The following PDE4D variants were observed in gnomAD, a reference collection of about 807,000 sequenced individuals.
PDE4D encodes phosphodiesterase 4D, also known as 3',5'-cyclic-AMP phosphodiesterase 4D.
PDE4D carries 24 observed loss-of-function variants against 87.4 expected under a neutral mutation model. The observed-to-expected ratio is 0.27, with a 90% CI of 0.20 to 0.39. The LOEUF (loss-of-function observed/expected upper bound fraction) is 0.39, where lower values mean the gene tolerates loss of function less well. Ranked by LOEUF, PDE4D falls within the 10% of genes least tolerant of loss-of-function variation. The pLI, the probability that PDE4D is intolerant of heterozygous loss-of-function variation, is 1.00. For synonymous variants in PDE4D, 384 were observed against 383.2 expected (o/e 1.00, Z -0.02); for missense variants, 714 against 1,041.0 (o/e 0.69, Z 4.32).
intron 2 of PDE4D, among the ~76,000 whole-genome samples, chr5:60,126,065 A>G (rs1779097511): frequency 6.6e-6 from 1 of 152,082 alleles, no homozygotes. Context: ...CTATGATTTT[A>G]CCTCCATTAG....
chr5:59,750,323 C>T (rs1050535385), intron 1 of PDE4D, among the ~76,000 whole-genome samples: 1 of 152,038 alleles, frequency 6.6e-6, no homozygotes, highest in African/African-American at 2.4e-5. Context: ...ACAGTCATCA[C>T]CAAGGAATGA....
chr5:60,177,234 T>C (rs1234803162), intron 2 of PDE4D, among the ~76,000 whole-genome samples: 1 of 152,046 alleles, frequency 6.6e-6, no homozygotes, highest in Admixed American at 6.6e-5. Context: ...ACAGACAGGC[T>C]TGGTGGGACA....
chr5:60,132,638 T>G (rs1254875900), intron 2 of PDE4D, among the ~76,000 whole-genome samples: 1 of 152,188 alleles, frequency 6.6e-6, no homozygotes, highest in Non-Finnish European at 1.5e-5. Flanking sequence ...GTAAAATAGA[T>G]GAGGACATGG....
At chr5:59,851,655 C>A (rs1215829794) in intron 1 of PDE4D, among the ~76,000 whole-genome samples, 1 of 151,952 alleles carries the variant, frequency 6.6e-6, no homozygotes, top group Non-Finnish European at 1.5e-5. Flanking sequence ...CAGATATAAT[C>A]ATATAAAACC....
intron 1 of PDE4D, chr5:59,357,012 G>T: frequency 1.2e-6 from 1 of 823,990 alleles, no homozygotes; most frequent in Non-Finnish European, 1.7e-6. Flanking sequence ...GCTGGCTGAG[G>T]CAGGGCTGGA....
intron 1 of PDE4D, among the ~76,000 whole-genome samples, chr5:60,242,313 A>T (rs1246806616): frequency 1.3e-5 from 2 of 152,136 alleles, no homozygotes; most frequent in Admixed American, 1.3e-4. Context: ...ATATTGGAGC[A>T]CCCAGATATA....
chr5:59,643,541 G>A (rs968004257), intron 1 of PDE4D, among the ~76,000 whole-genome samples: 4 of 152,146 alleles, frequency 2.6e-5, no homozygotes, highest in African/African-American at 7.2e-5. Flanking sequence ...ACTAAATTGT[G>A]TAATTTACAT....
At chr5:60,091,711 A>C (rs900343610) in intron 2 of PDE4D, among the ~76,000 whole-genome samples, 1 of 152,200 alleles carries the variant, frequency 6.6e-6, no homozygotes, top group Admixed American at 6.5e-5. Context: ...TATCCACAAT[A>C]GCCAAGATAT....
At chr5:59,860,258 G>T (rs1002430472) in intron 1 of PDE4D, among the ~76,000 whole-genome samples, 3 of 152,134 alleles carry the variant, frequency 2.0e-5, no homozygotes, top group African/African-American at 7.2e-5. Flanking sequence ...GAAGTAGATG[G>T]ATGCATAAAC....
At chr5:60,357,698 T>C (rs184668820) in intron 1 of PDE4D, among the ~76,000 whole-genome samples, 21 of 152,308 alleles carry the variant, frequency 1.4e-4, no homozygotes, top group Non-Finnish European at 2.5e-4. Context: ...AATTAAAAGC[T>C]TTGGGTTATA....
intron 1 of PDE4D, among the ~76,000 whole-genome samples, chr5:59,239,602 A>G (rs528575185): frequency 6.6e-6 from 1 of 152,258 alleles, no homozygotes; most frequent in South Asian, 2.1e-4. Context: ...GTGCTAAGAG[A>G]AGTAACTTGC....
At chr5:59,388,597 T>C (rs1458278413) in intron 1 of PDE4D, among the ~76,000 whole-genome samples, 1 of 136,444 alleles carries the variant, frequency 7.3e-6, no homozygotes, top group East Asian at 2.4e-4. Context: ...TAAGTGTTCA[T>C]CAACAATGAA....
chr5:59,206,727 G>T (rs1442084525), intron 2 of PDE4D, among the ~76,000 whole-genome samples: 1 of 152,152 alleles, frequency 6.6e-6, no homozygotes, highest in Non-Finnish European at 1.5e-5. Flanking sequence ...AGGTGCTACT[G>T]TTATTTTCCA....
At chr5:60,141,216 G>C (rs1780507098) in intron 2 of PDE4D, among the ~76,000 whole-genome samples, 1 of 152,092 alleles carries the variant, frequency 6.6e-6, no homozygotes, top group African/African-American at 2.4e-5. Flanking sequence ...CCATCTTGGG[G>C]GTGGGTGACA....
In PDE4D at chr5:60,411,888, G is replaced by A. The variant is rs987088594; in HGVS notation, c.-90+76054C>T. 9.9e-5 allele frequency among the ~76,000 whole-genome samples: 15 copies of A among 152,054 alleles called. No homozygotes were observed. In the East Asian group the frequency reaches 1.7e-3, roughly 18 times the overall value. On this transcript the variant is annotated intron_variant, in intron 1 of 16. Transcript: ENST00000502484. ...TCCACTGCTACTGACCCAACCACCCGCAAAAAAGGTGGCTAGATAGGTGTT... is the reference window on the plus strand; with the variant it reads ...TCCACTGCTACTGACCCAACCACCCACAAAAAAGGTGGCTAGATAGGTGTT...
At chr5:59,163,567 G>C (rs1373431735) in intron 5 of PDE4D, among the ~76,000 whole-genome samples, 1 of 152,114 alleles carries the variant, frequency 6.6e-6, no homozygotes, top group African/African-American at 2.4e-5. Context: ...CACCGCTCCT[G>C]GTCCTTAAAT....
chr5:59,000,692 T>TTTTA (rs1750339518), intron 6 of PDE4D, among the ~76,000 whole-genome samples: 1 of 152,104 alleles, frequency 6.6e-6, no homozygotes, highest in Non-Finnish European at 1.5e-5. Context: ...GAAGAGAATA[T>TTTTA]TTTATTTATT....
intron 1 of PDE4D, among the ~76,000 whole-genome samples, chr5:59,329,838 T>C (rs1304207231): frequency 6.6e-6 from 1 of 152,196 alleles, no homozygotes; most frequent in African/African-American, 2.4e-5. Context: ...ACATTGACAT[T>C]TTACATTTAT....
At chr5:60,391,495 T>A (rs1198254054) in intron 1 of PDE4D, among the ~76,000 whole-genome samples, 2 of 152,214 alleles carry the variant, frequency 1.3e-5, no homozygotes, top group Admixed American at 1.3e-4. Flanking sequence ...GGGGAAATTC[T>A]CTTTCCTCGC....
Sources: gnomAD v4.1 joint callset for allele counts (sites outside exome capture counted in the v4.1 genomes callset) on GRCh38, gnomAD v4.1.1 for gene constraint, MANE v1.5 for transcripts, NCBI Gene and HGNC (gene_info 2026-07-23, HGNC 2026-07-21) for gene names.